ETS1: variants seen among roughly 807,000 people sequenced by gnomAD.
The protein encoded by ETS1 is ETS proto-oncogene 1, transcription factor.
A neutral mutation model predicts 58.6 loss-of-function variants in ETS1; 15 were observed. That is an observed-to-expected ratio of 0.26 (90% CI 0.17 to 0.39). ETS1 has a LOEUF of 0.39. Among genes scored for constraint, ETS1 ranks in the 10% least tolerant of loss-of-function variants. The pLI is 1.00. For synonymous variants in ETS1, 214 were observed against 218.2 expected (o/e 0.98, Z 0.17); for missense variants, 417 against 610.5 (o/e 0.68, Z 3.34).
At chr11:128,527,229 G>C (rs1863817062) in intron 3 of ETS1, 2 of 287,464 alleles carry the variant, frequency 7.0e-6, no homozygotes, top group African/African-American at 2.3e-5. Flanking sequence ...AGGAGAGAAA[G>C]GGCCTGGGTT....
At chr11:128,572,483 T>C (rs1284039398) in intron 2 of ETS1, among the ~76,000 whole-genome samples, 2 of 152,204 alleles carry the variant, frequency 1.3e-5, no homozygotes, top group African/African-American at 2.4e-5. Context: ...TTTTGAGAAA[T>C]TTGTCAAAGC....
chr11:128,544,698 A>G (rs1375845341), intron 3 of ETS1, among the ~76,000 whole-genome samples: 1 of 152,158 alleles, frequency 6.6e-6, no homozygotes, highest in East Asian at 1.9e-4. Context: ...AAGGAAAAAA[A>G]AAATGCACTC....
intron 2 of ETS1, among the ~76,000 whole-genome samples, chr11:128,558,950 G>A (rs1333991658): frequency 1.3e-5 from 2 of 152,076 alleles, no homozygotes. Context: ...AAAATTTAAT[G>A]TCAAGTATCA....
intron 8 of ETS1, among the ~76,000 whole-genome samples, chr11:128,479,216 C>A (rs1242245477): frequency 6.6e-6 from 1 of 152,154 alleles, no homozygotes; most frequent in Non-Finnish European, 1.5e-5. Context: ...TCAATAGAAA[C>A]ACAGATCTTG....
rs1181258711 is a variant in ETS1 at position 128,585,168 on chromosome 11, G to GAA, written c.-15+2319_-15+2320insTT. 9.1e-3 allele frequency among the ~76,000 whole-genome samples: 76 copies of GAA among 8,352 alleles called. 7 individuals carry two copies. Among genetic ancestry groups the GAA allele is most frequent in the African/African-American group, 0.023 (33 of 1,422 alleles). 5.5% of individuals were successfully genotyped at this position (8,352 alleles called of 152,430 possible). A position where few individuals can be genotyped will look rare whatever the true frequency, so the allele number is the denominator to read the frequency against. ...AGAAAGAAAGAAAGAAAGAAAGAAA[G>GAA]AGAAAGAAAGAAAGAAAGAAGGAAG... On this transcript the variant is annotated intron_variant, in intron 1 of 9. Coordinates refer to ENST00000392668, the MANE Select transcript of ETS1 (RefSeq NM_001143820.2).
At chr11:128,579,163 T>A (rs1273550006) in intron 1 of ETS1, among the ~76,000 whole-genome samples, 1 of 152,172 alleles carries the variant, frequency 6.6e-6, no homozygotes, top group East Asian at 1.9e-4. Flanking sequence ...AGATGGCACA[T>A]GGGGAATTCA....
chr11:128,470,411 T>C (rs1332083832), intron 8 of ETS1, among the ~76,000 whole-genome samples: 2 of 152,206 alleles, frequency 1.3e-5, no homozygotes, highest in African/African-American at 4.8e-5. Flanking sequence ...TATGCAATCT[T>C]ATGCAACTCA....
At chr11:128,480,080 T>C in intron 8 of ETS1, 111 bp downstream of exon 8, 10 of 1,431,170 alleles carry the variant, frequency 7.0e-6, no homozygotes, top group Non-Finnish European at 9.4e-6. Flanking sequence ...CCCCGTGCCC[T>C]GCAAAAGGGA....
chr11:128,544,398 T>C lies in ETS1; in HGVS notation c.214+11893A>G, dbSNP rs192829444. On this transcript the variant is annotated intron_variant, in intron 3 of 9. Coordinates refer to ENST00000392668, the MANE Select transcript of ETS1 (RefSeq NM_001143820.2). ...TTTCCCTCTTCTGTAGCCCAGTTAG[T>C]AGGGCTGAGAGATGCAGGCAGCCCT... 7.8e-3 allele frequency among the ~76,000 whole-genome samples: 1,136 copies of C among 145,688 alleles called. 14 individuals carry two copies. The highest frequency in any genetic ancestry group is 0.028 in the Middle Eastern group (8 of 286).
chr11:128,529,816 G>A (rs1341478070), intron 3 of ETS1, among the ~76,000 whole-genome samples: 1 of 152,100 alleles, frequency 6.6e-6, no homozygotes, highest in Non-Finnish European at 1.5e-5. Context: ...ATCCTTCAAT[G>A]AGCAGCATTA....
intron 3 of ETS1, chr11:128,505,505 CT>C (rs1863204399): frequency 6.6e-6 from 1 of 152,272 alleles, no homozygotes; most frequent in South Asian, 2.1e-4. Flanking sequence ...TCCCAATGGG[CT>C]TCTCTTTAAT....
chr11:128,540,487 A>G (rs1467241715), intron 3 of ETS1, among the ~76,000 whole-genome samples: 2 of 151,206 alleles, frequency 1.3e-5, no homozygotes, highest in East Asian at 1.9e-4. Context: ...AAACCGTTTA[A>G]AAAAAAAAGT....
chr11:128,576,905 A>G (rs908876697), intron 1 of ETS1, among the ~76,000 whole-genome samples: 5 of 152,106 alleles, frequency 3.3e-5, no homozygotes, highest in Admixed American at 3.3e-4. Flanking sequence ...GCAGCCTGGA[A>G]TCCTTCCTGA....
intron 1 of ETS1, among the ~76,000 whole-genome samples, chr11:128,580,830 T>A (rs1864855830): frequency 6.6e-6 from 1 of 152,224 alleles, no homozygotes; most frequent in African/African-American, 2.4e-5. Context: ...CAACCCTTGC[T>A]TAAATGGAAA....
chr11:128,520,979 T>C (rs1055503512), intron 3 of ETS1, among the ~76,000 whole-genome samples: 1 of 152,200 alleles, frequency 6.6e-6, no homozygotes, highest in Non-Finnish European at 1.5e-5. Context: ...GATCTTTCTA[T>C]ATACTTTCAC....
intron 3 of ETS1, among the ~76,000 whole-genome samples, chr11:128,509,498 C>T (rs1256031200): frequency 6.6e-6 from 1 of 151,326 alleles, no homozygotes; most frequent in Non-Finnish European, 1.5e-5. Context: ...GGCTAGCCAC[C>T]TTTCATGTGT....
chr11:128,479,454 C>T (rs1274535924), intron 8 of ETS1, among the ~76,000 whole-genome samples: 1 of 152,230 alleles, frequency 6.6e-6, no homozygotes, highest in African/African-American at 2.4e-5. Context: ...ATACTCTCCA[C>T]ATGTTTTTCT....
intron 7 of ETS1, among the ~76,000 whole-genome samples, chr11:128,483,674 T>C (rs1172179784): frequency 6.6e-6 from 1 of 152,182 alleles, no homozygotes; most frequent in East Asian, 1.9e-4. Flanking sequence ...TGGTGATCCC[T>C]AGGCCTGCTA....
intron 3 of ETS1, among the ~76,000 whole-genome samples, chr11:128,530,676 CT>C (rs1268974772): frequency 2.6e-5 from 4 of 152,120 alleles, no homozygotes; most frequent in African/African-American, 9.7e-5. Flanking sequence ...GGAGGTGCAG[CT>C]GGGTGGGAAG....
Sources: allele counts gnomAD v4.1 joint callset (sites outside exome capture counted in the v4.1 genomes callset), GRCh38; gene constraint gnomAD v4.1.1; transcripts MANE v1.5; gene names NCBI Gene and HGNC (gene_info 2026-07-23, HGNC 2026-07-21).